Variants in PRRC1 observed in about 807,000 individuals in gnomAD.
PRRC1 encodes the protein protein PRRC1.
In PRRC1, 39 loss-of-function variants were observed where a neutral mutation model predicts 40.7. That is an observed-to-expected ratio of 0.96 (90% CI 0.74 to 1.25). The LOEUF (loss-of-function observed/expected upper bound fraction) is 1.25, where lower values mean the gene tolerates loss of function less well. Among genes scored for constraint, PRRC1 ranks in the 50% most tolerant of loss-of-function variants. PRRC1 has a pLI of 0.00. For synonymous variants in PRRC1, 175 were observed against 193.3 expected (o/e 0.91, Z 0.79); for missense variants, 573 against 548.3 (o/e 1.05, Z -0.45).
intron 7 of PRRC1, among the ~76,000 whole-genome samples, chr5:127,544,292 G>T (rs1768146893): frequency 6.6e-6 from 1 of 152,188 alleles, no homozygotes; most frequent in East Asian, 1.9e-4. Context: ...ACCTTACTGG[G>T]GGGTGCCTCC....
Position 127,552,079 on chromosome 5 carries a change from C to A in PRRC1, c.*163C>A. Reference sequence around the variant, plus strand: ...TTCTCTAGAAAGGCATCATGTCATTCCAGGAGACAAAAAGAAACAAATCCT... The same window carrying A: ...TTCTCTAGAAAGGCATCATGTCATTACAGGAGACAAAAAGAAACAAATCCT... On this transcript the variant is annotated 3_prime_UTR_variant, in exon 9 of 9. Coordinates refer to ENST00000296666, the MANE Select transcript of PRRC1 (RefSeq NM_130809.5). The A allele has an allele frequency of 7.0e-7, 1 of 1,427,804 alleles. No individual in the cohort carries two copies. Among genetic ancestry groups the A allele is most frequent in the East Asian group, 2.5e-5 (1 of 39,574 alleles). The allele number at this position is 1,427,804 out of a possible 1,614,324, so 88.4% of individuals were successfully genotyped here.
In PRRC1 at chr5:127,553,355, A is replaced by C; in HGVS notation, c.*1439A>C. On this transcript the variant is annotated 3_prime_UTR_variant, in exon 9 of 9. Coordinates refer to ENST00000296666, the MANE Select transcript of PRRC1 (RefSeq NM_130809.5). ...AATATTAAATATATGTTACTTTCCA[A>C]GCACTGTATAATGACTGTTCAGTGA... 1.0e-6 allele frequency: 1 copy of C among 988,870 alleles called. No homozygotes were observed. Among genetic ancestry groups the C allele is most frequent in the African/African-American group, 1.7e-5 (1 of 57,360 alleles). 61.3% of individuals were successfully genotyped at this position (988,870 alleles called of 1,614,324 possible). A position where few individuals can be genotyped will look rare whatever the true frequency, so the allele number is the denominator to read the frequency against.
At chr5:127,546,011 A>C (rs975747300) in intron 7 of PRRC1, among the ~76,000 whole-genome samples, 4 of 152,132 alleles carry the variant, frequency 2.6e-5, no homozygotes, top group African/African-American at 9.7e-5. Flanking sequence ...AATTCTTTAC[A>C]ATTATGTCTT....
At chr5:127,537,209 T>A (rs1580941131) in intron 6 of PRRC1, among the ~76,000 whole-genome samples, 1 of 151,970 alleles carries the variant, frequency 6.6e-6, no homozygotes, top group East Asian at 1.9e-4. Flanking sequence ...ATTTTAACTA[T>A]TCACTGAACC....
Position 127,524,385 on chromosome 5 carries a change from T to C in PRRC1, c.104-146T>C, listed in dbSNP as rs1329575598. The C allele has an allele frequency of 3.2e-5, 22 of 697,866 alleles. No homozygotes were observed. The Admixed American group carries it at 5.9e-4, about 19-fold the overall frequency. The allele number at this position is 697,866 out of a possible 1,614,324, so 43.2% of individuals were successfully genotyped here. A position where few individuals can be genotyped will look rare whatever the true frequency, so the allele number is the denominator to read the frequency against. ...TTTACACTCAATTATATTTGTTGTA[T>C]ATTTTAAATTACACATTTTAAAATA... On this transcript the variant is annotated intron_variant, in intron 2 of 8. Transcript: ENST00000296666.
At chr5:127,525,127 AC>A (rs1767585962) in intron 3 of PRRC1, among the ~76,000 whole-genome samples, 1 of 151,928 alleles carries the variant, frequency 6.6e-6, no homozygotes, top group Non-Finnish European at 1.5e-5. Context: ...GAAACCCTAT[AC>A]CTTTTAGCAG....
chr5:127,517,938 C>A (rs1767359857), intron 1 of PRRC1, 162 bp downstream of exon 1: 1 of 152,612 alleles, frequency 6.6e-6, no homozygotes, highest in Non-Finnish European at 1.5e-5. Context: ...CCCCTAGTCC[C>A]GTGGTCCAGG....
At chr5:127,548,163 T>C in intron 8 of PRRC1, 1 of 537,662 alleles carries the variant, frequency 1.9e-6, no homozygotes, top group Non-Finnish European at 3.3e-6. Flanking sequence ...AATCATTATT[T>C]CTCTCATTTT....
At chr5:127,544,180 G>T (rs1580948262) in intron 7 of PRRC1, among the ~76,000 whole-genome samples, 1 of 152,358 alleles carries the variant, frequency 6.6e-6, no homozygotes, top group African/African-American at 2.4e-5. Context: ...AGTGTCTGCA[G>T]AACCGCGGAT....
At chr5:127,530,228 C>A in intron 4 of PRRC1, 66 bp from the exon 5 acceptor site, 1 of 1,418,338 alleles carries the variant, frequency 7.1e-7, no homozygotes, top group South Asian at 1.2e-5. Context: ...GTTTTCTTCA[C>A]AATCATGAAG....
rs142576778 is a variant in PRRC1, at chr5:127,518,716, G to C, written c.-21+940G>C. Among the ~76,000 whole-genome samples, 954 of 150,482 alleles carry C rather than the reference G, an allele frequency of 6.3e-3. 10 individuals are homozygous for C. Among genetic ancestry groups the C allele is most frequent in the African/African-American group, 0.022 (894 of 40,936 alleles). On this transcript the variant is annotated intron_variant, in intron 1 of 8. Transcript: ENST00000296666. ...TCACTCTTCCATTTCTTGTAAACTT[G>C]TAAATAGACATCCACTTTTTTTTTT... is the stretch of plus-strand genomic sequence containing the variant.
At position 127,551,689 on chromosome 5, in the gene PRRC1, A is replaced by G; in HGVS notation, c.1129-18A>G. The G allele has an allele frequency of 6.2e-7, 1 of 1,612,030 alleles. No individual in the cohort carries two copies. The highest frequency in any genetic ancestry group is 8.5e-7 in the Non-Finnish European group (1 of 1,178,140). On this transcript the variant is annotated intron_variant, in intron 8 of 8. Coordinates refer to ENST00000296666, the MANE Select transcript of PRRC1 (RefSeq NM_130809.5). ...TTTTAAATGTATTATAAGTAATATC[A>G]ATTTCATCTTTCCACAGGCTCAAAG...
chr5:127,543,130 A>G (rs1164131288), intron 7 of PRRC1, among the ~76,000 whole-genome samples: 3 of 152,046 alleles, frequency 2.0e-5, no homozygotes, highest in African/African-American at 4.8e-5. Flanking sequence ...CTTCACTTAC[A>G]AAACTTAGTT....
chr5:127,521,901 GA>G (rs757274671), intron 1 of PRRC1, among the ~76,000 whole-genome samples: 2 of 152,040 alleles, frequency 1.3e-5, no homozygotes, highest in African/African-American at 2.4e-5. Flanking sequence ...CTTATTTGGG[GA>G]ACCCTTTCCT....
rs142918416 is a variant in PRRC1, at chr5:127,526,785, C to T, written c.654+7C>T. On this transcript the variant is annotated splice_region_variant and intron_variant, in intron 4 of 8. Transcript: ENST00000296666. ...AATCTGGGGTTTTATTAAGGTAAGA[C>T]GTGTTTAAAAATTATGTTTAATTTT... is the stretch of plus-strand genomic sequence containing the variant. 1.8e-3 allele frequency: 2,757 copies of T among 1,548,860 alleles called. 70 individuals carry two copies. The East Asian group carries it at 0.057, about 32-fold the overall frequency.
At chr5:127,539,726 T>A (rs1321431569) in intron 7 of PRRC1, among the ~76,000 whole-genome samples, 10 of 152,140 alleles carry the variant, frequency 6.6e-5, no homozygotes, top group Admixed American at 6.6e-4. Flanking sequence ...TTTTATTTTT[T>A]ATTTGTTTGT....
chr5:127,545,208 C>G (rs1045234021), intron 7 of PRRC1, among the ~76,000 whole-genome samples: 3 of 151,696 alleles, frequency 2.0e-5, no homozygotes, highest in African/African-American at 7.3e-5. Context: ...ACTAGTTCAA[C>G]CATTGTGGAA....
chr5:127,525,190 A>G (rs1767587847), intron 3 of PRRC1, among the ~76,000 whole-genome samples: 1 of 152,120 alleles, frequency 6.6e-6, no homozygotes, highest in Non-Finnish European at 1.5e-5. Flanking sequence ...CTACTAATCT[A>G]CTTTCTATGT....
Position 127,524,587 on chromosome 5 carries a change from C to T in PRRC1, c.160C>T (p.Leu54Phe), listed in dbSNP as rs140884850. 256 of 1,613,982 alleles carry T rather than the reference C, an allele frequency of 1.6e-4. No homozygotes were observed. The highest frequency in any genetic ancestry group is 2.1e-4 in the Non-Finnish European group (244 of 1,179,992). Residue 54 changes from leucine to phenylalanine, a missense_variant, in exon 3 of 9, where the codon CTC becomes TTC. By Grantham distance (22) the Leu-to-Phe change is conservative. Transcript: ENST00000296666. ...ATCCTCCATGGAGTCCTTCCCACCA[C>T]TCGCATACTCTACTCCTCAGCCGCC... is the stretch of plus-strand genomic sequence containing the variant. ...NVSSMESFPP[L>F]AYSTPQPPLP... is the part of the protein sequence containing the mutation.
Sources: allele counts gnomAD v4.1 joint callset (sites outside exome capture counted in the v4.1 genomes callset), GRCh38; gene constraint gnomAD v4.1.1; transcripts MANE v1.5; gene names NCBI Gene and HGNC (gene_info 2026-07-23, HGNC 2026-07-21).